The following NAV2 variants were observed in gnomAD, a reference collection of about 807,000 sequenced individuals.
The protein encoded by NAV2 is neuron navigator 2.
NAV2 carries 54 observed loss-of-function variants against 223.2 expected under a neutral mutation model. That is an observed-to-expected ratio of 0.24 (90% CI 0.19 to 0.30). NAV2 has a LOEUF of 0.30. Among genes scored for constraint, NAV2 ranks in the 10% least tolerant of loss-of-function variants. The probability of loss-of-function intolerance (pLI) is 1.00; values close to 1 mark genes in which losing one functional copy is unlikely to be tolerated. For synonymous variants in NAV2, 1,279 were observed against 1,239.3 expected (o/e 1.03, Z -0.67); for missense variants, 2,806 against 3,147.5 (o/e 0.89, Z 2.60).
chr11:19,781,771 T>A (rs180983076), intron 1 of NAV2, among the ~76,000 whole-genome samples: 6 of 148,224 alleles, frequency 4.0e-5, no homozygotes, highest in African/African-American at 1.3e-4. Context: ...TTTTTTTTTT[T>A]AATCCCTAAC....
chr11:19,994,851 G>A (rs2051712001), intron 11 of NAV2, among the ~76,000 whole-genome samples: 1 of 152,164 alleles, frequency 6.6e-6, no homozygotes, highest in Admixed American at 6.5e-5. Flanking sequence ...GTCAAGGTTG[G>A]GTTTGTTCAG....
At chr11:19,427,136 A>T (rs1564928165) in intron 1 of NAV2, among the ~76,000 whole-genome samples, 1 of 152,116 alleles carries the variant, frequency 6.6e-6, no homozygotes, top group South Asian at 2.1e-4. Flanking sequence ...CTCCAAGGGA[A>T]CCCAAGCTGT....
At chr11:19,833,414 A>G (rs538342342) in intron 2 of NAV2, among the ~76,000 whole-genome samples, 4 of 152,350 alleles carry the variant, frequency 2.6e-5, no homozygotes, top group Admixed American at 2.0e-4. Flanking sequence ...GCTCTGCTCA[A>G]ATCCGTGGAG....
chr11:20,001,725 C>T (rs761839118), intron 11 of NAV2, among the ~76,000 whole-genome samples: 1 of 148,930 alleles, frequency 6.7e-6, no homozygotes, highest in African/African-American at 2.5e-5. Flanking sequence ...GGAGGGGGGA[C>T]GGAAAGCATT....
intron 1 of NAV2, among the ~76,000 whole-genome samples, chr11:19,685,576 A>G (rs2049001006): frequency 6.6e-6 from 1 of 152,226 alleles, no homozygotes; most frequent in African/African-American, 2.4e-5. Context: ...AGATGAATTT[A>G]GTGCTCATTA....
chr11:19,681,341 C>T (rs1306796063), intron 1 of NAV2, among the ~76,000 whole-genome samples: 1 of 152,170 alleles, frequency 6.6e-6, no homozygotes, highest in African/African-American at 2.4e-5. Flanking sequence ...GATAGATTTG[C>T]TTGTCCTTAT....
At chr11:19,673,620 T>A (rs567770407) in intron 1 of NAV2, among the ~76,000 whole-genome samples, 1 of 152,188 alleles carries the variant, frequency 6.6e-6, no homozygotes, top group African/African-American at 2.4e-5. Context: ...AGTGGCACAT[T>A]AGTCAGTTTT....
At chr11:19,502,034 C>T (rs2134159055) in intron 1 of NAV2, among the ~76,000 whole-genome samples, 1 of 152,282 alleles carries the variant, frequency 6.6e-6, no homozygotes, top group South Asian at 2.1e-4. Context: ...TTAGAAATTA[C>T]TCATGGTGGA....
chr11:19,414,249 A>G lies in NAV2; in HGVS notation c.75+63222A>G, dbSNP rs189055490. 1.4e-3 allele frequency among the ~76,000 whole-genome samples: 217 copies of G among 152,304 alleles called. 1 individual carries two copies. The highest frequency in any genetic ancestry group is 5.1e-3 in the African/African-American group (211 of 41,584). ...TTTACCAAGCAAATGGAAAGCAAAA[A>G]CAAAAACCAAACAACCAACCAAACA... On this transcript the variant is annotated intron_variant, in intron 1 of 37. Transcript: ENST00000360655.
chr11:19,375,671 C>T (rs1848618146), intron 1 of NAV2, among the ~76,000 whole-genome samples: 3 of 152,204 alleles, frequency 2.0e-5, no homozygotes, highest in African/African-American at 7.2e-5. Context: ...TACAGAATTA[C>T]ATGAAACCCT....
chr11:20,117,797 G>A (rs1425104375), intron 37 of NAV2, among the ~76,000 whole-genome samples: 2 of 152,212 alleles, frequency 1.3e-5, no homozygotes, highest in African/African-American at 2.4e-5. Flanking sequence ...AATAAGCTAT[G>A]TATAGAGATC....
intron 1 of NAV2, among the ~76,000 whole-genome samples, chr11:19,469,803 T>C (rs2041905458): frequency 6.6e-6 from 1 of 152,236 alleles, no homozygotes; most frequent in East Asian, 1.9e-4. Context: ...AGTTATTGTG[T>C]TTACTGTATT....
At chr11:19,486,872 A>C (rs142194164) in intron 1 of NAV2, among the ~76,000 whole-genome samples, 2 of 152,176 alleles carry the variant, frequency 1.3e-5, no homozygotes, top group African/African-American at 4.8e-5. Context: ...ACAATCTTCT[A>C]TCCATTGGAA....
At chr11:19,471,607 T>A (rs1242659654) in intron 1 of NAV2, among the ~76,000 whole-genome samples, 3 of 152,188 alleles carry the variant, frequency 2.0e-5, no homozygotes, top group African/African-American at 7.2e-5. Flanking sequence ...AGAGTAATGA[T>A]AGAGCTGACT....
At chr11:19,386,628 C>T (rs1849053059) in intron 1 of NAV2, among the ~76,000 whole-genome samples, 1 of 152,116 alleles carries the variant, frequency 6.6e-6, no homozygotes, top group Non-Finnish European at 1.5e-5. Flanking sequence ...TTTTCAGCAG[C>T]TTCCACTGAG....
chr11:20,063,779 C>A lies in NAV2; in HGVS notation c.4884+1420C>A, dbSNP rs185072338. Among the ~76,000 whole-genome samples the A allele has an allele frequency of 1.8e-4, 28 of 152,256 alleles. No homozygotes were observed. The East Asian group carries it at 3.5e-3, about 19-fold the overall frequency. ...AATTGGAAATTCTTTAGCCCTTAAT[C>A]CCATGGAAACAAATGTTTTAATAAT... On this transcript the variant is annotated intron_variant, in intron 20 of 37. Coordinates refer to ENST00000349880, the MANE Select transcript of NAV2 (RefSeq NM_145117.5).
At chr11:19,690,355 A>G (rs2049137871) in intron 1 of NAV2, among the ~76,000 whole-genome samples, 1 of 152,216 alleles carries the variant, frequency 6.6e-6, no homozygotes, top group East Asian at 1.9e-4. Context: ...GCATACCTGC[A>G]TGGCCAAAGT....
At chr11:19,872,677 T>C (rs985673473) in intron 4 of NAV2, among the ~76,000 whole-genome samples, 3 of 152,226 alleles carry the variant, frequency 2.0e-5, no homozygotes, top group African/African-American at 7.2e-5. Context: ...GGAGGGTGTA[T>C]GCACCTGTCC....
At chr11:19,704,511 C>A (rs1367197662) in intron 1 of NAV2, among the ~76,000 whole-genome samples, 2 of 152,158 alleles carry the variant, frequency 1.3e-5, no homozygotes, top group Non-Finnish European at 2.9e-5. Context: ...GATACTCAAA[C>A]CTCTCTGGGC....
Sources: allele counts gnomAD v4.1 joint callset (sites outside exome capture counted in the v4.1 genomes callset), GRCh38; gene constraint gnomAD v4.1.1; transcripts MANE v1.5; gene names NCBI Gene and HGNC (gene_info 2026-07-23, HGNC 2026-07-21).